The following KIF1B variants were observed in gnomAD, a reference collection of about 807,000 sequenced individuals.
The protein encoded by KIF1B is kinesin family member 1B, also known as kinesin-like protein KIF1B.
In KIF1B, 76 loss-of-function variants were observed where a neutral mutation model predicts 241.9. The ratio of observed to expected loss-of-function variants is 0.31; its 90% CI spans 0.26 to 0.38. The LOEUF is 0.38. Ranked by LOEUF, KIF1B falls within the 10% of genes least tolerant of loss-of-function variation. The pLI, the probability that KIF1B is intolerant of heterozygous loss-of-function variation, is 1.00. For missense variants in KIF1B, 1,622 were observed against 2,271.4 expected (o/e 0.71, Z 5.81); for synonymous variants, 750 against 796.7 (o/e 0.94, Z 0.99).
chr1:10,364,899 G>A (rs949225981), intron 41 of KIF1B, among the ~76,000 whole-genome samples: 4 of 151,532 alleles, frequency 2.6e-5, no homozygotes, highest in East Asian at 1.9e-4. Context: ...TCAGCTACTC[G>A]GGAGGCTGAG....
At position 10,241,620 on chromosome 1, in the gene KIF1B, C is replaced by T. The variant is rs184425882; in HGVS notation, c.106+9186C>T. 5.9e-4 allele frequency among the ~76,000 whole-genome samples: 90 copies of T among 152,204 alleles called. 1 individual carries two copies. Among genetic ancestry groups the T allele is most frequent in the Admixed American group, 5.4e-3 (83 of 15,284 alleles). The stretch of plus-strand genomic sequence containing the variant: ...CTGGAAAAAATCATCTTGGTGGAAA[C>T]GTCCTCTTTCTTTGTGCTTTGCATG... On this transcript the variant is annotated intron_variant, in intron 2 of 48. Transcript: ENST00000676179.
chr1:10,238,066 T>C (rs1446965847), intron 2 of KIF1B, among the ~76,000 whole-genome samples: 2 of 151,748 alleles, frequency 1.3e-5, no homozygotes, highest in African/African-American at 4.8e-5. Context: ...AATGGAGATT[T>C]GGAAAGGAAG....
intron 31 of KIF1B, among the ~76,000 whole-genome samples, chr1:10,338,810 G>A (rs146678588): frequency 6.6e-6 from 1 of 152,226 alleles, no homozygotes; most frequent in Non-Finnish European, 1.5e-5. Context: ...CTGTCGTCAG[G>A]GAACCCCAGG....
At chr1:10,335,739 G>A (rs1378659119) in intron 28 of KIF1B, among the ~76,000 whole-genome samples, 1 of 151,354 alleles carries the variant, frequency 6.6e-6, no homozygotes, top group African/African-American at 2.4e-5. Context: ...GCTCGTGCCT[G>A]TAGTCCCAGC....
In KIF1B at chr1:10,276,402, ACTTT is replaced by A. The variant is rs1649109906; in HGVS notation, c.1037+8_1037+11del. 1 of 1,610,350 alleles carries A rather than the reference ACTTT, an allele frequency of 6.2e-7. No individual in the cohort carries two copies. The highest frequency in any genetic ancestry group is 1.3e-5 in the African/African-American group (1 of 74,962). On this transcript the variant is annotated splice_donor_5th_base_variant and intron_variant, in intron 12 of 48. Transcript: ENST00000676179. ...GATGAGACTTTGAGCACTCTGAGGTACTTTCTTTTGATCTCAGTAACAACATAGA... is the reference window on the plus strand; with the variant it reads ...GATGAGACTTTGAGCACTCTGAGGTACTTTTGATCTCAGTAACAACATAGA...
At chr1:10,360,564 A>G (rs1195263356) in intron 38 of KIF1B, among the ~76,000 whole-genome samples, 2 of 151,992 alleles carry the variant, frequency 1.3e-5, no homozygotes, top group African/African-American at 2.4e-5. Context: ...GGGCGCCTGT[A>G]ATCCCAGCTA....
intron 1 of KIF1B, among the ~76,000 whole-genome samples, chr1:10,231,180 A>C (rs974640217): frequency 6.6e-6 from 1 of 152,206 alleles, no homozygotes; most frequent in Non-Finnish European, 1.5e-5. Flanking sequence ...ATTGCACTCC[A>C]GCCTGGGCGA....
At chr1:10,252,792 T>C (rs1482713333) in intron 2 of KIF1B, among the ~76,000 whole-genome samples, 3 of 152,020 alleles carry the variant, frequency 2.0e-5, no homozygotes, top group Admixed American at 2.0e-4. Context: ...TGATCTTGGC[T>C]CACTGCAACC....
Position 10,376,677 on chromosome 1 carries a change from G to T in KIF1B, c.*90G>T. 2 of 1,328,244 alleles carry T rather than the reference G, an allele frequency of 1.5e-6. No individual in the cohort carries two copies. The highest frequency in any genetic ancestry group is 2.2e-6 in the Non-Finnish European group (2 of 921,910). 82.3% of individuals were successfully genotyped at this position (1,328,244 alleles called of 1,614,324 possible). Reference sequence around the variant, plus strand: ...TTTGTGATTCTTGACGGTGACTCTTGTATGTAATCCTGTGGCTTAACTACT... The same window carrying T: ...TTTGTGATTCTTGACGGTGACTCTTTTATGTAATCCTGTGGCTTAACTACT... On this transcript the variant is annotated 3_prime_UTR_variant, in exon 49 of 49. Coordinates refer to ENST00000676179, the MANE Select transcript of KIF1B (RefSeq NM_001365951.3).
Position 10,352,480 on chromosome 1 carries a change from G to A in KIF1B, c.3950-151G>A, listed in dbSNP as rs991597775. ...AGTTAACTCAATGTGGGAAGTAATGGAGTCAGACCGTGGAGGACCCTACAG... is the reference window on the plus strand; with the variant it reads ...AGTTAACTCAATGTGGGAAGTAATGAAGTCAGACCGTGGAGGACCCTACAG... On this transcript the variant is annotated intron_variant, in intron 37 of 48. Transcript: ENST00000676179. The A allele has an allele frequency of 4.5e-6, 3 of 662,662 alleles. No individual in the cohort carries two copies. The African/African-American group carries it at 5.4e-5, about 12-fold the overall frequency. The allele number at this position is 662,662 out of a possible 1,614,324, so 41.0% of individuals were successfully genotyped here.
intron 45 of KIF1B, among the ~76,000 whole-genome samples, chr1:10,373,066 C>T (rs1221168742): frequency 2.6e-5 from 4 of 151,906 alleles, no homozygotes; most frequent in Admixed American, 1.3e-4. Flanking sequence ...CCACCCGCCT[C>T]GACCTCCCAA....
At chr1:10,222,108 G>A (rs4846197) in intron 1 of KIF1B, among the ~76,000 whole-genome samples, 52,946 of 152,142 alleles carry the variant, frequency 0.35, 9,340 homozygotes, top group Admixed American at 0.38. Context: ...AAATAAATGG[G>A]AAAGTGAGGA....
intron 10 of KIF1B, among the ~76,000 whole-genome samples, chr1:10,273,276 G>A (rs1394698968): frequency 6.6e-6 from 1 of 152,148 alleles, no homozygotes; most frequent in African/African-American, 2.4e-5. Context: ...GAACAAGGCC[G>A]AGCATGGTGG....
intron 1 of KIF1B, among the ~76,000 whole-genome samples, chr1:10,212,518 G>T (rs1427533092): frequency 3.9e-5 from 6 of 152,124 alleles, no homozygotes; most frequent in Admixed American, 3.9e-4. Flanking sequence ...TTTCTTCTTT[G>T]TGGCCTTTGC....
intron 22 of KIF1B, among the ~76,000 whole-genome samples, chr1:10,311,206 C>A (rs577905899): frequency 6.6e-6 from 1 of 150,412 alleles, no homozygotes; most frequent in Admixed American, 6.6e-5. Flanking sequence ...TACTTGCCTA[C>A]CTCCCATTCT....
chr1:10,348,949 T>A (rs1259756729), intron 37 of KIF1B, among the ~76,000 whole-genome samples: 1 of 152,190 alleles, frequency 6.6e-6, no homozygotes, highest in African/African-American at 2.4e-5. Flanking sequence ...TTAGAGATGT[T>A]ATTCTTCCCT....
chr1:10,235,237 G>A (rs914996450), intron 2 of KIF1B, among the ~76,000 whole-genome samples: 9 of 151,898 alleles, frequency 5.9e-5, no homozygotes, highest in Non-Finnish European at 1.3e-4. Context: ...GTTAATTACC[G>A]TAACAAAGGA....
chr1:10,281,378 A>T (rs1474613466), intron 14 of KIF1B, among the ~76,000 whole-genome samples: 6 of 152,146 alleles, frequency 3.9e-5, no homozygotes, highest in Non-Finnish European at 8.8e-5. Context: ...CAAATTAATT[A>T]ATTTTGTTGT....
In KIF1B at chr1:10,258,594, C is replaced by A. The variant is rs12402052; in HGVS notation, c.285C>A (p.Ala95=). 4.3e-6 allele frequency: 7 copies of A among 1,613,926 alleles called. No homozygotes were observed. The highest frequency in any genetic ancestry group is 5.9e-6 in the Non-Finnish European group (7 of 1,179,954). Residue 95 remains alanine, a synonymous_variant, in exon 4 of 49, where the codon GCC becomes GCA. Coordinates refer to ENST00000676179, the MANE Select transcript of KIF1B (RefSeq NM_001365951.3). ...AFEGYNVCIF[A]YGQTGAGKSY... is the part of the protein sequence containing the mutation. ...AGGGATATAATGTCTGTATTTTTGC[C>A]TATGGGCAGACTGGTGCTGGAAAAT...
Sources: gnomAD v4.1 joint callset for allele counts (sites outside exome capture counted in the v4.1 genomes callset) on GRCh38, gnomAD v4.1.1 for gene constraint, MANE v1.5 for transcripts, NCBI Gene and HGNC (gene_info 2026-07-23, HGNC 2026-07-21) for gene names.